Variants in TMEM9 observed in about 807,000 individuals in gnomAD.
TMEM9 encodes the protein proton-transporting V-type ATPase complex assembly regulator TMEM9.
Under a neutral mutation model 22.8 loss-of-function variants are expected in TMEM9, and 13 were observed. That is an observed-to-expected ratio of 0.57 (90% confidence interval 0.37 to 0.91). The LOEUF is 0.91. Ranked by LOEUF, TMEM9 falls within the 40% of genes least tolerant of loss-of-function variation. The pLI, the probability that TMEM9 is intolerant of heterozygous loss-of-function variation, is 0.01. For synonymous variants in TMEM9, 88 were observed against 93.0 expected (o/e 0.95, Z 0.31); for missense variants, 182 against 238.1 (o/e 0.76, Z 1.55).
intron 4 of TMEM9, among the ~76,000 whole-genome samples, chr1:201,141,670 T>C (rs1664541345): frequency 6.6e-6 from 1 of 152,132 alleles, no homozygotes; most frequent in Non-Finnish European, 1.5e-5. Context: ...CGCCAGCTTC[T>C]ATGTGCTGCA....
rs1335359083 is a variant in TMEM9 at position 201,135,804 on chromosome 1, A to G, written c.411T>C (p.Ser137=). The G allele has an allele frequency of 6.2e-7, 1 of 1,608,952 alleles. No homozygotes were observed. The highest frequency in any genetic ancestry group is 1.1e-5 in the South Asian group (1 of 90,200). ...CGAGGGATGCAGCAGCTGCTGCCAT[A>G]GAGCGAGCATCCTGTAGTGGGAAGA... ...HNEEENEDAR[S]MAAAAASLGG... The change falls in exon 5 of 5, where the codon TCT becomes TCC. Residue 137 remains serine (S), a synonymous_variant. Transcript: ENST00000367330.
chr1:201,160,780 C>A (rs1247138822), intron 1 of TMEM9, among the ~76,000 whole-genome samples: 1 of 151,644 alleles, frequency 6.6e-6, no homozygotes, highest in African/African-American at 2.4e-5. Flanking sequence ...ACTAAAAATA[C>A]AAAAAATGAG....
intron 2 of TMEM9, among the ~76,000 whole-genome samples, chr1:201,149,821 C>T (rs953397601): frequency 2.0e-5 from 3 of 152,198 alleles, no homozygotes; most frequent in African/African-American, 7.2e-5. Flanking sequence ...GTCAAGGCCC[C>T]ACCCTACCCT....
intron 2 of TMEM9, 104 bp downstream of exon 2, chr1:201,151,657 T>C (rs745483896): frequency 3.1e-5 from 25 of 804,062 alleles, no homozygotes; most frequent in South Asian, 4.7e-5. Flanking sequence ...AGGCTCTCCA[T>C]AGGAATGGGA....
At chr1:201,156,802 A>T (rs1665809453), upstream of TMEM9, among the ~76,000 whole-genome samples, 1 of 152,240 alleles carries the variant, frequency 6.6e-6, no homozygotes. Flanking sequence ...TGTGCCAAGC[A>T]CTATCTGTGA....
chr1:201,143,489 A>C (rs1664699677), intron 4 of TMEM9, among the ~76,000 whole-genome samples: 1 of 152,120 alleles, frequency 6.6e-6, no homozygotes, highest in Non-Finnish European at 1.5e-5. Context: ...GCTTGTCACC[A>C]ATGTCTGAGC....
chr1:201,156,252 A>G (rs1372306092), upstream of TMEM9, among the ~76,000 whole-genome samples: 1 of 152,132 alleles, frequency 6.6e-6, no homozygotes, highest in Non-Finnish European at 1.5e-5. Context: ...CTCCTCTCTC[A>G]TATTTCCACA....
chr1:201,139,755 T>C (rs1664347434), intron 4 of TMEM9, among the ~76,000 whole-genome samples: 1 of 152,212 alleles, frequency 6.6e-6, no homozygotes, highest in African/African-American at 2.4e-5. Flanking sequence ...GAGCAAACAC[T>C]TGTAAAGCTT....
chr1:201,156,178 G>T (rs1182509271), upstream of TMEM9, among the ~76,000 whole-genome samples: 4 of 152,136 alleles, frequency 2.6e-5, no homozygotes, highest in Admixed American at 1.3e-4. Context: ...AAACAGAAGG[G>T]AGGCCTTCCA....
At position 201,154,168 on chromosome 1, in the gene TMEM9, GT is replaced by G. The variant is rs1665662494; in HGVS notation, c.-246del. 2.0e-6 allele frequency: 1 copy of G among 497,274 alleles called. No homozygotes were observed. The highest frequency in any genetic ancestry group is 3.6e-6 in the Non-Finnish European group (1 of 280,400). 30.8% of individuals were successfully genotyped at this position (497,274 alleles called of 1,614,324 possible). On this transcript the variant is annotated 5_prime_UTR_variant, in exon 1 of 5. The change abolishes the stop of an existing upstream ORF in the 5' untranslated region. Coordinates refer to ENST00000367330, the MANE Select transcript of TMEM9 (RefSeq NM_001288565.2). The stretch of plus-strand genomic sequence containing the variant: ...GCCACCTGGTGAGCCCGGCAGAGGG[GT>G]CCTCGAGGGGACACCGCTGCCAGGG...
intron 3 of TMEM9, chr1:201,144,474 TG>T (rs1432073737): frequency 6.4e-6 from 1 of 156,444 alleles, no homozygotes; most frequent in African/African-American, 2.4e-5. Flanking sequence ...TGGCTAGGGC[TG>T]GTAAGAAGGT....
At chr1:201,145,991 T>C (rs1257988365) in intron 3 of TMEM9, among the ~76,000 whole-genome samples, 2 of 152,148 alleles carry the variant, frequency 1.3e-5, no homozygotes, top group Non-Finnish European at 2.9e-5. Context: ...GAAATGGCTA[T>C]GTAATCAGTG....
At chr1:201,155,012 C>G (rs1665739904), upstream of TMEM9, among the ~76,000 whole-genome samples, 3 of 152,124 alleles carry the variant, frequency 2.0e-5, no homozygotes, top group Admixed American at 6.5e-5. Flanking sequence ...ATCCCCCTAC[C>G]CCATGCTGGT....
At chr1:201,169,069 A>T (rs1666151218) in intron 1 of TMEM9, among the ~76,000 whole-genome samples, 1 of 151,352 alleles carries the variant, frequency 6.6e-6, no homozygotes, top group Admixed American at 6.6e-5. Flanking sequence ...GAATGCACAC[A>T]TTTGTGTAAA....
chr1:201,140,159 C>G (rs76596447), intron 4 of TMEM9, among the ~76,000 whole-genome samples: 2,451 of 152,328 alleles, frequency 0.016, 65 homozygotes, highest in African/African-American at 0.056. Context: ...ATCATCATCA[C>G]CTTTCCTTGA....
rs1381670526 is a variant in TMEM9 at position 201,134,811 on chromosome 1, T to C, written c.*852A>G. ...CAATTTAATGATGGCTTCCTTGATT[T>C]ACACACAACTCTAAGACAAGAGGAC... On this transcript the variant is annotated 3_prime_UTR_variant, in exon 5 of 5. Transcript: ENST00000367330. 1 of 152,834 alleles carries C rather than the reference T, an allele frequency of 6.5e-6. No homozygotes were observed. Among genetic ancestry groups the C allele is most frequent in the East Asian group, 1.9e-4 (1 of 5,338 alleles). 9.5% of individuals were successfully genotyped at this position (152,834 alleles called of 1,614,324 possible).
chr1:201,168,710 TTC>T (rs201837637), intron 1 of TMEM9, among the ~76,000 whole-genome samples: 2,149 of 152,296 alleles, frequency 0.014, 71 homozygotes, highest in African/African-American at 0.049. Context: ...CAAAGTGAGA[TTC>T]TGTCTCAAAA....
chr1:201,158,780 AG>A (rs1286080903), upstream of TMEM9, among the ~76,000 whole-genome samples: 1 of 152,204 alleles, frequency 6.6e-6, no homozygotes, highest in Non-Finnish European at 1.5e-5. Flanking sequence ...TCTAGAACTC[AG>A]GCCAAAACCC....
intron 3 of TMEM9, among the ~76,000 whole-genome samples, chr1:201,145,880 T>A (rs1475892395): frequency 6.6e-6 from 1 of 152,188 alleles, no homozygotes; most frequent in Non-Finnish European, 1.5e-5. Flanking sequence ...GAGGGTTGCA[T>A]GGGCCTGGGA....
Sources: gnomAD v4.1 joint callset for allele counts (sites outside exome capture counted in the v4.1 genomes callset) on GRCh38, gnomAD v4.1.1 for gene constraint, MANE v1.5 for transcripts, NCBI Gene and HGNC (gene_info 2026-07-23, HGNC 2026-07-21) for gene names.